Variants in AFG2A observed in about 807,000 individuals in gnomAD.
AFG2A encodes the protein ATPase family gene 2 protein homolog A.
the AFG2A span, among the ~76,000 whole-genome samples, chr4:123,089,201 TCTAAATACTTAA>T: frequency 6.6e-6 from 1 of 152,212 alleles, no homozygotes; most frequent in Non-Finnish European, 1.5e-5. Context: ...AACTTATAAG[TCTAAATACTTAA>T]CTAAATACTT....
At chr4:123,043,550 C>T in the AFG2A span, among the ~76,000 whole-genome samples, 1 of 152,048 alleles carries the variant, frequency 6.6e-6, no homozygotes, top group Non-Finnish European at 1.5e-5. Context: ...GTTCAAGATA[C>T]TTTTGTAAGT....
chr4:122,972,927 G>A, the AFG2A span, among the ~76,000 whole-genome samples: 1 of 152,072 alleles, frequency 6.6e-6, no homozygotes, highest in East Asian at 1.9e-4. Flanking sequence ...ATACCAATTA[G>A]GATAAGTGAG....
chr4:123,049,968 A>T, the AFG2A span, among the ~76,000 whole-genome samples: 1 of 151,920 alleles, frequency 6.6e-6, no homozygotes, highest in South Asian at 2.1e-4. Context: ...CTTCCCTCTT[A>T]GTACTGCTTT....
At chr4:123,009,813 A>G in the AFG2A span, among the ~76,000 whole-genome samples, 1 of 152,164 alleles carries the variant, frequency 6.6e-6, no homozygotes, top group Non-Finnish European at 1.5e-5. Context: ...GGTATAATAT[A>G]TATTTTGAAC....
chr4:123,141,887 T>C, the AFG2A span, among the ~76,000 whole-genome samples: 1 of 152,188 alleles, frequency 6.6e-6, no homozygotes, highest in Non-Finnish European at 1.5e-5. Flanking sequence ...TGCCACTTTT[T>C]TGTAGCAAAC....
the AFG2A span, among the ~76,000 whole-genome samples, chr4:123,069,743 A>G: frequency 1.3e-5 from 2 of 152,204 alleles, no homozygotes; most frequent in African/African-American, 4.8e-5. Context: ...TTAGCTATGT[A>G]AAATAAATAA....
the AFG2A span, among the ~76,000 whole-genome samples, chr4:123,219,972 C>T: frequency 5.3e-5 from 8 of 151,974 alleles, no homozygotes; most frequent in East Asian, 9.7e-4. Context: ...CTGTTTCAAG[C>T]GATTCTCCTG....
chr4:123,239,394 G>A, the AFG2A span, among the ~76,000 whole-genome samples: 4 of 152,216 alleles, frequency 2.6e-5, no homozygotes, highest in South Asian at 8.3e-4. Context: ...ATTCACCAAG[G>A]TTGAAATGAA....
the AFG2A span, among the ~76,000 whole-genome samples, chr4:122,969,464 C>T: frequency 6.6e-6 from 1 of 152,086 alleles, no homozygotes; most frequent in Non-Finnish European, 1.5e-5. Context: ...GAAATGTCTT[C>T]AATACTTTCA....
the AFG2A span, among the ~76,000 whole-genome samples, chr4:123,151,629 A>G: frequency 6.6e-6 from 1 of 152,188 alleles, no homozygotes; most frequent in African/African-American, 2.4e-5. Flanking sequence ...TCCAGAAACA[A>G]CAGATGCTGG....
the AFG2A span, among the ~76,000 whole-genome samples, chr4:123,259,283 T>TG: frequency 1.3e-5 from 2 of 152,208 alleles, no homozygotes; most frequent in Non-Finnish European, 1.5e-5. Flanking sequence ...ACCAGCTCAG[T>TG]GTTTGAAATA....
At chr4:122,972,014 A>G in the AFG2A span, among the ~76,000 whole-genome samples, 1 of 152,078 alleles carries the variant, frequency 6.6e-6, no homozygotes, top group Non-Finnish European at 1.5e-5. Flanking sequence ...GAGGAGCAAG[A>G]TTATGCTACC....
chr4:123,237,595 C>G, the AFG2A span, among the ~76,000 whole-genome samples: 7 of 144,816 alleles, frequency 4.8e-5, no homozygotes, highest in Non-Finnish European at 8.9e-5. Flanking sequence ...ATCGCTTGAA[C>G]CTAGGAGGTG....
chr4:122,932,628 G>A, the AFG2A span, among the ~76,000 whole-genome samples: 788 of 152,284 alleles, frequency 5.2e-3, 3 homozygotes, highest in Non-Finnish European at 9.0e-3. Context: ...CTCATGTTCT[G>A]AGAACTCCTC....
the AFG2A span, among the ~76,000 whole-genome samples, chr4:123,088,083 T>C: frequency 6.6e-6 from 1 of 152,234 alleles, no homozygotes; most frequent in Non-Finnish European, 1.5e-5. Context: ...TAACAAGGTC[T>C]TTGTTTTCAG....
At chr4:123,008,657 G>GA in the AFG2A span, among the ~76,000 whole-genome samples, 2,075 of 151,538 alleles carry the variant, frequency 0.014, 49 homozygotes, top group African/African-American at 0.047. Context: ...ACATTTTTAG[G>GA]AAAAAAAAGC....
the AFG2A span, among the ~76,000 whole-genome samples, chr4:123,002,418 G>T: frequency 1.6e-4 from 25 of 152,226 alleles, no homozygotes; most frequent in African/African-American, 5.5e-4. Flanking sequence ...TTTACATTTT[G>T]GCATGATTTT....
the AFG2A span, among the ~76,000 whole-genome samples, chr4:123,140,738 A>AT: frequency 6.6e-6 from 1 of 152,194 alleles, no homozygotes; most frequent in African/African-American, 2.4e-5. Flanking sequence ...TTAACATTAT[A>AT]TAACATTTTC....
the AFG2A span, among the ~76,000 whole-genome samples, chr4:123,039,461 T>G: frequency 6.6e-6 from 1 of 152,024 alleles, no homozygotes; most frequent in East Asian, 1.9e-4. Flanking sequence ...AAACACACTC[T>G]GCTGTTTATC....
Sources: allele counts gnomAD v4.1 joint callset (sites outside exome capture counted in the v4.1 genomes callset), GRCh38; gene constraint gnomAD v4.1.1; transcripts MANE v1.5; gene names NCBI Gene and HGNC (gene_info 2026-07-23, HGNC 2026-07-21).